The following CFAP184 variants were observed in gnomAD, a reference collection of about 807,000 sequenced individuals.
CFAP184 encodes the protein cilia and flagella associated protein 184, also known as cilia- and flagella-associated protein 184.
chr4:7,041,250 A>G, the CFAP184 span: 2 of 1,543,060 alleles, frequency 1.3e-6, no homozygotes, highest in Non-Finnish European at 1.7e-6. Flanking sequence ...AGTGTTTTGC[A>G]GACTCTTCTC....
chr4:7,042,931 A>T, the CFAP184 span: 2 of 1,448,690 alleles, frequency 1.4e-6, no homozygotes, highest in South Asian at 2.9e-5. Flanking sequence ...CTCAGAGCTG[A>T]CGTCCATCTC....
chr4:7,041,834 C>T, the CFAP184 span: 1 of 1,609,634 alleles, frequency 6.2e-7, no homozygotes, highest in Non-Finnish European at 8.5e-7. Flanking sequence ...ATCTCCTTCT[C>T]CTTTTTATCC....
At chr4:7,042,416 TCTC>T in the CFAP184 span, 4 of 1,612,116 alleles carry the variant, frequency 2.5e-6, no homozygotes, top group Middle Eastern at 1.7e-4. Context: ...TCTCTCTGCG[TCTC>T]CTCCTTGTCC....
the CFAP184 span, chr4:7,042,264 G>C: frequency 6.3e-7 from 1 of 1,592,976 alleles, no homozygotes; most frequent in Admixed American, 1.7e-5. Flanking sequence ...GGAGGTCGCT[G>C]CGCAGCTGCT....
the CFAP184 span, chr4:7,041,712 TTCAAAG>T: frequency 6.2e-7 from 1 of 1,614,214 alleles, no homozygotes; most frequent in South Asian, 1.1e-5. Context: ...TCTTCAGCTG[TTCAAAG>T]TCAATAAGAA....
the CFAP184 span, chr4:7,042,920 G>A: frequency 2.7e-6 from 4 of 1,505,206 alleles, no homozygotes; most frequent in Non-Finnish European, 3.5e-6. Flanking sequence ...TCCTTAGTGT[G>A]CTCAGAGCTG....
chr4:7,042,768 C>A, the CFAP184 span: 6 of 1,537,542 alleles, frequency 3.9e-6, no homozygotes, highest in Admixed American at 1.9e-5. Context: ...TGCCTCCCTG[C>A]GAAGCCGCTT....
chr4:7,041,853 C>G, the CFAP184 span: 1 of 1,610,180 alleles, frequency 6.2e-7, no homozygotes, highest in South Asian at 1.1e-5. Flanking sequence ...CCTCCAACGC[C>G]TGGATCTGCT....
At chr4:7,040,911 A>G in the CFAP184 span, 1 of 189,778 alleles carries the variant, frequency 5.3e-6, no homozygotes, top group Non-Finnish European at 1.1e-5. Context: ...TACCTTGCCC[A>G]TTCGCTGAAC....
At chr4:7,040,935 T>TA in the CFAP184 span, 1 of 219,144 alleles carries the variant, frequency 4.6e-6, no homozygotes, top group African/African-American at 2.3e-5. Flanking sequence ...TAAACCCTCC[T>TA]ACATATGAAA....
the CFAP184 span, chr4:7,041,492 G>T: frequency 1.2e-6 from 2 of 1,614,228 alleles, no homozygotes; most frequent in Admixed American, 3.3e-5. Context: ...TCTCGGGCTT[G>T]CTTCGTCTTG....
the CFAP184 span, chr4:7,042,698 C>T: frequency 3.6e-5 from 54 of 1,511,634 alleles, no homozygotes; most frequent in Non-Finnish European, 3.9e-5. Flanking sequence ...GGCCCCTCCT[C>T]GCCCGCAGCC....
the CFAP184 span, chr4:7,041,973 C>A: frequency 6.2e-7 from 1 of 1,612,558 alleles, no homozygotes; most frequent in Non-Finnish European, 8.5e-7. Flanking sequence ...CCTTCTCCAC[C>A]CTGGTGAGCT....
chr4:7,042,321 C>T, the CFAP184 span: 1 of 1,599,426 alleles, frequency 6.3e-7, no homozygotes, highest in Non-Finnish European at 8.5e-7. Context: ...GGTCCTCAAA[C>T]TCGTCCCTTC....
At chr4:7,041,699 C>G in the CFAP184 span, 1 of 1,614,204 alleles carries the variant, frequency 6.2e-7, no homozygotes, top group South Asian at 1.1e-5. Flanking sequence ...GTTTGGTTCT[C>G]AATCTTCAGC....
At chr4:7,042,629 C>G in the CFAP184 span, 1 of 1,505,396 alleles carries the variant, frequency 6.6e-7, no homozygotes, top group Non-Finnish European at 8.8e-7. Flanking sequence ...TCCTCAGCCC[C>G]AACCTCGGCC....
chr4:7,042,784 T>G, the CFAP184 span: 1 of 1,547,464 alleles, frequency 6.5e-7, no homozygotes, highest in Non-Finnish European at 8.7e-7. Flanking sequence ...CGCTTGCTCC[T>G]CCTCCTCCTC....
chr4:7,041,896 C>T, the CFAP184 span: 2 of 1,612,220 alleles, frequency 1.2e-6, no homozygotes, highest in Non-Finnish European at 8.5e-7. Context: ...GCGCCCGCCC[C>T]TCATCCGACA....
chr4:7,041,758 C>T, the CFAP184 span: 2 of 1,613,462 alleles, frequency 1.2e-6, no homozygotes, highest in Non-Finnish European at 8.5e-7. Flanking sequence ...CTCCTGGGTC[C>T]TCATCCTGGT....
Sources: gnomAD v4.1 joint callset for allele counts on GRCh38, gnomAD v4.1.1 for gene constraint, MANE v1.5 for transcripts, NCBI Gene and HGNC (gene_info 2026-07-23, HGNC 2026-07-21) for gene names.